SYNE1: variants seen among roughly 807,000 people sequenced by gnomAD.
The protein encoded by SYNE1 is nesprin-1.
A neutral mutation model predicts 1,111.0 loss-of-function variants in SYNE1; 616 were observed. That is an observed-to-expected ratio of 0.55 (90% CI 0.52 to 0.59). The LOEUF is 0.59. Among genes scored for constraint, SYNE1 ranks in the 20% least tolerant of loss-of-function variants. The probability of loss-of-function intolerance (pLI) is 0.00; values close to 1 mark genes in which losing one functional copy is unlikely to be tolerated. For synonymous variants in SYNE1, 3,855 were observed against 3,825.8 expected, an observed-to-expected ratio of 1.01 and a Z score of -0.28; for missense variants, 10,006 against 10,417.0, an observed-to-expected ratio of 0.96 and a Z score of 1.72.
Position 152,201,721 on chromosome 6 carries a change from T to C in SYNE1, c.23145+103A>G. ...CCTTATGTCATATACTAGGATCTTG[T>C]ATCTGCATGTAGATAACCTAAGAGT... On this transcript the variant is annotated intron_variant, in intron 127 of 145. Transcript: ENST00000367255. 1.9e-6 allele frequency: 3 copies of C among 1,553,012 alleles called. No homozygotes were observed. The South Asian group carries it at 3.4e-5, about 17-fold the overall frequency.
chr6:152,401,095 T>C, intron 47 of SYNE1, 43 bp downstream of exon 47: 1 of 1,586,548 alleles, frequency 6.3e-7, no homozygotes, highest in Non-Finnish European at 8.7e-7. Flanking sequence ...AGAACTACAA[T>C]CACCATTTGA....
rs1335229407 is a variant in SYNE1 at position 152,309,931 on chromosome 6, C to A, written c.17106G>T (p.Val5702=). 6.2e-7 allele frequency: 1 copy of A among 1,614,182 alleles called. No homozygotes were observed. Among genetic ancestry groups the A allele is most frequent in the Non-Finnish European group, 8.5e-7 (1 of 1,180,048 alleles). ...CATGACAGAGAGGTAAGCTGGCAAC[C>A]ACATCCTCGGGGATCCGGAGGGCAC... The part of the protein sequence containing the change: ...CQSALRIPED[V]VASLPLCHAA... The change falls in exon 90 of 146, where the codon GTG becomes GTT. Residue 5702 remains valine, a synonymous_variant. Coordinates refer to ENST00000367255, the MANE Select transcript of SYNE1 (RefSeq NM_182961.4).
At chr6:152,355,348 C>T (rs935503362) in intron 66 of SYNE1, among the ~76,000 whole-genome samples, 3 of 152,150 alleles carry the variant, frequency 2.0e-5, no homozygotes, top group African/African-American at 7.2e-5. Flanking sequence ...AAGCTTCTTG[C>T]TTTGACATTG....
At chr6:152,172,880 C>T (rs1282857338) in intron 130 of SYNE1, among the ~76,000 whole-genome samples, 1 of 152,152 alleles carries the variant, frequency 6.6e-6, no homozygotes, top group Non-Finnish European at 1.5e-5. Flanking sequence ...AGCCACTAGC[C>T]TCATGGGGTT....
At position 152,319,016 on chromosome 6, in the gene SYNE1, C is replaced by T; in HGVS notation, c.16237-1G>A. 3.1e-6 allele frequency: 5 copies of T among 1,613,822 alleles called. No individual in the cohort carries two copies. Among genetic ancestry groups the T allele is most frequent in the Non-Finnish European group, 3.4e-6 (4 of 1,179,932 alleles). On this transcript the variant is annotated splice_acceptor_variant, in intron 84 of 145. Coordinates refer to ENST00000367255, the MANE Select transcript of SYNE1 (RefSeq NM_182961.4). LOFTEE classifies it high-confidence loss of function. The stretch of plus-strand genomic sequence containing the variant: ...CAACTTCTTTTATTTTGTCTTGGAT[C>T]TAAAAAAATCAGTAAGAACAGCAAA...
rs199758806 is a variant in SYNE1 at position 152,381,250 on chromosome 6, T to A, written c.8765A>T (p.Glu2922Val). The A allele has an allele frequency of 1.4e-5, 22 of 1,614,210 alleles. No homozygotes were observed. The East Asian group carries it at 4.7e-4, about 34-fold the overall frequency. ...CCAGTCGGCACGCAGGGCCTGCATC[T>A]CCGTGTGCATGAGCTCACACCCACT... Reference protein sequence around the residue: ...TASGCELMHTEMQALRADWKQ... With the variant: ...TASGCELMHTVMQALRADWKQ... Residue 2922 changes from glutamate to valine, a missense_variant, in exon 56 of 146, where the codon GAG becomes GTG. By Grantham distance (121) the Glu-to-Val change is moderately radical. This residue lies in a region of SYNE1 where 4,955 missense variants were observed against 5,017.2 expected (regional missense o/e 0.99). Transcript: ENST00000367255.
rs771577783 is a variant in SYNE1, at chr6:152,390,370, T to C, written c.8087A>G (p.Asn2696Ser). Residue 2696 changes from asparagine to serine, a missense_variant, in exon 53 of 146, where the codon AAC becomes AGC. Coordinates refer to ENST00000367255, the MANE Select transcript of SYNE1 (RefSeq NM_182961.4). ...CTGAATCACCCTCTGACCTTCTTTG[T>C]TGCTACTTCTCAAGGCCTGTTCCCC... is the stretch of plus-strand genomic sequence containing the variant. ...GKGEQALRSS[N>S]KEGQRVIQTQ... 1.9e-6 allele frequency: 3 copies of C among 1,614,050 alleles called. No homozygotes were observed. Among genetic ancestry groups the C allele is most frequent in the African/African-American group, 2.7e-5 (2 of 74,936 alleles).
intron 115 of SYNE1, among the ~76,000 whole-genome samples, chr6:152,227,449 G>A (rs1387290968): frequency 6.6e-6 from 1 of 152,082 alleles, no homozygotes; most frequent in East Asian, 1.9e-4. Flanking sequence ...AGCTTAAAGT[G>A]ATCATTTTTG....
chr6:152,218,937 C>T, intron 120 of SYNE1, 66 bp downstream of exon 120: 1 of 1,513,984 alleles, frequency 6.6e-7, no homozygotes. Context: ...AATTCTTTTT[C>T]TGTGTTTGTG....
chr6:152,318,219 T>C lies in SYNE1; in HGVS notation c.16434A>G (p.Glu5478=), dbSNP rs1318246489. 6.2e-7 allele frequency: 1 copy of C among 1,614,182 alleles called. No homozygotes were observed. Residue 5478 remains glutamate, a synonymous_variant, in exon 86 of 146, where the codon GAA becomes GAG. Coordinates refer to ENST00000367255, the MANE Select transcript of SYNE1 (RefSeq NM_182961.4). ...AGAATTTCTGTACTGCTGCATCTAA[T>C]TCCATTAACTTTGAATTACAGCCAT... The part of the protein sequence containing the change: ...ELDGCNSKLM[E]LDAAVQKFLE...
chr6:152,308,585 G>C lies in SYNE1; in HGVS notation c.17250C>G (p.Leu5750=), dbSNP rs2095450542. 7 of 1,613,290 alleles carry C rather than the reference G, an allele frequency of 4.3e-6. No individual in the cohort carries two copies. The highest frequency in any genetic ancestry group is 5.9e-6 in the Non-Finnish European group (7 of 1,179,932). The change falls in exon 91 of 146, where the codon CTC becomes CTG. Residue 5750 remains leucine (L), a synonymous_variant. Coordinates refer to ENST00000367255, the MANE Select transcript of SYNE1 (RefSeq NM_182961.4). The part of the protein sequence containing the change: ...YEQYEQEMKH[L]QQLIEGAHRE... ...TGTGAGCTCCTTCTATCAGTTGCTG[G>C]AGATGTTTCATTTCTTGCTCATATT...
In SYNE1 at chr6:152,455,915, G is replaced by C. The variant is rs767582097; in HGVS notation, c.2698C>G (p.Gln900Glu). The change falls in exon 23 of 146, where the codon CAG (glutamine) becomes GAG (glutamate). Residue 900 changes from glutamine to glutamate, a missense_variant. This residue lies in a region of SYNE1 where 1,971 missense variants were observed against 2,084.1 expected (regional missense o/e 0.95). Coordinates refer to ENST00000367255, the MANE Select transcript of SYNE1 (RefSeq NM_182961.4). ...KHFDQTRLQR[Q>E]IADIHVAFQS... The stretch of plus-strand genomic sequence containing the variant: ...AAAGCAACATGAATATCTGCAATCT[G>C]TCTTTGTAGCCTCGTCTGATCAAAA... 3.7e-6 allele frequency: 6 copies of C among 1,614,056 alleles called. No homozygotes were observed. The South Asian group carries it at 4.4e-5, about 12-fold the overall frequency.
At chr6:152,344,007 T>C (rs1474549246) in intron 74 of SYNE1, 74 bp downstream of exon 74, 2 of 1,597,848 alleles carry the variant, frequency 1.3e-6, no homozygotes, top group African/African-American at 1.3e-5. Context: ...TGGCACATCA[T>C]AGGTACTTCA....
chr6:152,222,856 T>C lies in SYNE1; in HGVS notation c.21523-1297A>G, dbSNP rs1180727655. On this transcript the variant is annotated intron_variant, in intron 117 of 145. Transcript: ENST00000367255. ...ATAATTAATAATAATGCACTGTATA[T>C]GTCAAGATTGCTTAAAGCAAAGAAT... 1.2e-4 allele frequency among the ~76,000 whole-genome samples: 19 copies of C among 152,218 alleles called. 1 individual carries two copies. Among genetic ancestry groups the C allele is most frequent in the Admixed American group, 1.2e-3 (19 of 15,286 alleles).
chr6:152,371,381 C>T (rs1428870267), intron 59 of SYNE1, among the ~76,000 whole-genome samples: 1 of 151,784 alleles, frequency 6.6e-6, no homozygotes, highest in Non-Finnish European at 1.5e-5. Flanking sequence ...GATGTATTTG[C>T]TTCCCCTTCT....
intron 54 of SYNE1, among the ~76,000 whole-genome samples, chr6:152,386,513 T>C (rs947615306): frequency 1.3e-5 from 2 of 151,736 alleles, no homozygotes; most frequent in Non-Finnish European, 2.9e-5. Flanking sequence ...CAACAACAAC[T>C]CTCTCCCTTA....
Position 152,325,218 on chromosome 6 carries a change from C to T in SYNE1, c.15523G>A (p.Asp5175Asn), listed in dbSNP as rs201946664. 3 of 1,614,198 alleles carry T rather than the reference C, an allele frequency of 1.9e-6. No homozygotes were observed. The highest frequency in any genetic ancestry group is 2.5e-6 in the Non-Finnish European group (3 of 1,180,050). Residue 5175 changes from aspartate (D) to asparagine (N), a missense_variant, in exon 81 of 146, where the codon GAT (aspartate) becomes AAT (asparagine). Physicochemically the swap from Asp to Asn is conservative, Grantham distance 23. This residue lies in a region of SYNE1 where 4,955 missense variants were observed against 5,017.2 expected (regional missense o/e 0.99). Transcript: ENST00000367255. ...KASQLEKTGN[D>N]ASKATLSRSM... ...CTGCTCAGGGTGGCTTTGCTGGCATCATTTCCGGTTTTCTCCAGTTGTGAA... is the reference window on the plus strand; with the variant it reads ...CTGCTCAGGGTGGCTTTGCTGGCATTATTTCCGGTTTTCTCCAGTTGTGAA...
At chr6:152,528,585 T>A (rs1338606324) in intron 4 of SYNE1, among the ~76,000 whole-genome samples, 3 of 152,222 alleles carry the variant, frequency 2.0e-5, no homozygotes. Flanking sequence ...GTGACTTTGA[T>A]AAGACTTGGG....
intron 16 of SYNE1, among the ~76,000 whole-genome samples, chr6:152,470,012 A>G (rs1481701678): frequency 1.3e-5 from 2 of 152,202 alleles, no homozygotes; most frequent in Non-Finnish European, 2.9e-5. Flanking sequence ...ACGAGTGATA[A>G]GTAGGTATTC....
Sources: allele counts gnomAD v4.1 joint callset (sites outside exome capture counted in the v4.1 genomes callset), GRCh38; gene constraint gnomAD v4.1.1; regional missense constraint gnomAD v4.1.1; transcripts MANE v1.5; gene names NCBI Gene and HGNC (gene_info 2026-07-23, HGNC 2026-07-21).